PRRC2C: variants seen among roughly 807,000 people sequenced by gnomAD.
PRRC2C encodes protein PRRC2C.
A neutral mutation model predicts 317.2 loss-of-function variants in PRRC2C; 72 were observed. The observed-to-expected ratio is 0.23, with a 90% CI of 0.19 to 0.28. The LOEUF (loss-of-function observed/expected upper bound fraction) is 0.28. Ranked by LOEUF, PRRC2C falls within the 10% of genes least tolerant of loss-of-function variation. The pLI, the probability that PRRC2C is intolerant of heterozygous loss-of-function variation, is 1.00. For missense variants in PRRC2C, 3,074 were observed against 3,459.7 expected (o/e 0.89, Z 2.80); for synonymous variants, 1,296 against 1,205.9 (o/e 1.07, Z -1.55).
At chr1:171,502,019 C>G (rs1482550243) in intron 1 of PRRC2C, among the ~76,000 whole-genome samples, 2 of 152,184 alleles carry the variant, frequency 1.3e-5, no homozygotes, top group Non-Finnish European at 2.9e-5. Context: ...TGGGCTTGGA[C>G]TCAAATAATC....
chr1:171,512,829 A>G (rs1671633674), intron 2 of PRRC2C, 166 bp from the exon 3 acceptor site: 4 of 581,600 alleles, frequency 6.9e-6, no homozygotes, highest in Non-Finnish European at 1.1e-5. Flanking sequence ...TCTACACTGA[A>G]ATGTGTTGCA....
rs1571722579 is a variant in PRRC2C, at chr1:171,517,458, A to G, written c.527-133A>G. On this transcript the variant is annotated intron_variant, in intron 5 of 34. Coordinates refer to ENST00000647382, the MANE Select transcript of PRRC2C (RefSeq NM_001387844.1). ...ACGCAAACAACTTGAAAGCATTAGT[A>G]GGACCTGGATTAGACTTTTCCTGCT... 3.8e-6 allele frequency: 3 copies of G among 792,544 alleles called. No homozygotes were observed. The East Asian group carries it at 8.1e-5, about 21-fold the overall frequency. 49.1% of individuals were successfully genotyped at this position (792,544 alleles called of 1,614,324 possible). A position where few individuals can be genotyped will look rare whatever the true frequency, so the allele number is the denominator to read the frequency against.
At chr1:171,533,609 T>G (rs959124092) in intron 12 of PRRC2C, among the ~76,000 whole-genome samples, 4 of 152,138 alleles carry the variant, frequency 2.6e-5, no homozygotes, top group Non-Finnish European at 5.9e-5. Flanking sequence ...TTTTGTTTGT[T>G]GTTGTTGTGG....
At chr1:171,550,331 G>T in intron 18 of PRRC2C, 91 bp downstream of exon 18, 1 of 1,195,218 alleles carries the variant, frequency 8.4e-7, no homozygotes, top group Non-Finnish European at 1.1e-6. Flanking sequence ...ACTTGTCAAG[G>T]CTGTTTTCAT....
chr1:171,582,715 A>T (rs1197265140), intron 28 of PRRC2C, among the ~76,000 whole-genome samples: 1 of 152,212 alleles, frequency 6.6e-6, no homozygotes, highest in African/African-American at 2.4e-5. Flanking sequence ...TAAAAATGGT[A>T]CGTACCATGT....
intron 3 of PRRC2C, among the ~76,000 whole-genome samples, chr1:171,514,252 G>A (rs1671904616): frequency 7.8e-6 from 1 of 127,508 alleles, no homozygotes; most frequent in Non-Finnish European, 1.6e-5. Flanking sequence ...TTAATTAAAA[G>A]TGTGTGTGTA....
Position 171,540,235 on chromosome 1 carries a change from GA to G in PRRC2C, c.2773del (p.Arg925GlufsTer27), listed in dbSNP as rs1677715672. The G allele has an allele frequency of 6.2e-7, 1 of 1,613,718 alleles. No individual in the cohort carries two copies. Among genetic ancestry groups the G allele is most frequent in the Admixed American group, 1.7e-5 (1 of 59,986 alleles). ...ISAVESQPSR[K>X]RSVSHGSNHT... ...CAGCTGTAGAAAGTCAGCCTTCCCGGAAAAGAAGTGTTTCCCATGGATCTAA... is the reference window on the plus strand; with the variant it reads ...CAGCTGTAGAAAGTCAGCCTTCCCGGAAAGAAGTGTTTCCCATGGATCTAA... On this transcript the variant is annotated frameshift_variant, in exon 16 of 35. Coordinates refer to ENST00000647382, the MANE Select transcript of PRRC2C (RefSeq NM_001387844.1). LOFTEE classifies it high-confidence loss of function.
chr1:171,516,941 A>G (rs1203838983), intron 5 of PRRC2C, among the ~76,000 whole-genome samples: 1 of 152,196 alleles, frequency 6.6e-6, no homozygotes. Flanking sequence ...GGGACATGCT[A>G]TCACTTCTGC....
rs141515795 is a variant in PRRC2C at position 171,529,962 on chromosome 1, C to T, written c.1254+2118C>T. ...CTGTACATATCACAACCATCACCAT[C>T]GTTTCCAGCAATCCCTCTCCTCATA... On this transcript the variant is annotated intron_variant, in intron 11 of 34. Coordinates refer to ENST00000647382, the MANE Select transcript of PRRC2C (RefSeq NM_001387844.1). Among the ~76,000 whole-genome samples the T allele has an allele frequency of 2.2e-3, 338 of 152,278 alleles. 1 individual carries two copies. Among genetic ancestry groups the T allele is most frequent in the African/African-American group, 7.8e-3 (325 of 41,560 alleles).
At chr1:171,511,834 C>T (rs912391185) in intron 1 of PRRC2C, 198 bp from the exon 2 acceptor site, 2 of 283,882 alleles carry the variant, frequency 7.0e-6, no homozygotes, top group Non-Finnish European at 1.4e-5. Context: ...GCAGTTATAA[C>T]CATATATAAC....
At chr1:171,556,137 A>C (rs1288728616) in intron 18 of PRRC2C, among the ~76,000 whole-genome samples, 1 of 152,046 alleles carries the variant, frequency 6.6e-6, no homozygotes, top group East Asian at 1.9e-4. Flanking sequence ...AATGGTGGAC[A>C]CCACTCCCCC....
intron 1 of PRRC2C, among the ~76,000 whole-genome samples, chr1:171,493,305 C>G (rs553288727): frequency 3.7e-4 from 56 of 152,270 alleles, no homozygotes; most frequent in African/African-American, 1.1e-3. Context: ...CTCTTTCACT[C>G]TCATAACATT....
chr1:171,487,255 TGA>T (rs948498890), intron 1 of PRRC2C, among the ~76,000 whole-genome samples: 4 of 152,192 alleles, frequency 2.6e-5, no homozygotes, highest in African/African-American at 4.8e-5. Flanking sequence ...AAATGAAATC[TGA>T]GAGAGTAGTC....
chr1:171,552,224 A>G (rs572969120), intron 18 of PRRC2C, among the ~76,000 whole-genome samples: 153 of 152,252 alleles, frequency 1.0e-3, no homozygotes, highest in African/African-American at 3.2e-3. Context: ...CTTTGAAGCA[A>G]TTGTGAATGG....
chr1:171,531,940 T>A (rs1675965781), intron 11 of PRRC2C, among the ~76,000 whole-genome samples: 1 of 152,242 alleles, frequency 6.6e-6, no homozygotes, highest in South Asian at 2.1e-4. Flanking sequence ...ATGCCATCAT[T>A]TTGGATATTT....
rs746214767 is a variant in PRRC2C, at chr1:171,571,341, C to G, written c.6673C>G (p.Pro2225Ala). ...VNNVPLPNTL[P>A]LPKRETIQQS... is the part of the protein sequence containing the mutation. ...TCAGGTGCCCCTGCCCAACACCCTT[C>G]CCCTCCCTAAGAGGGAGACTATACA... Residue 2225 changes from proline to alanine, a missense_variant, in exon 24 of 35, where the codon CCC (proline) becomes GCC (alanine). This residue lies in a region of PRRC2C where 640 missense variants were observed against 676.1 expected (regional missense o/e 0.95). Transcript: ENST00000647382. The G allele has an allele frequency of 6.2e-7, 1 of 1,610,342 alleles. No individual in the cohort carries two copies. Among genetic ancestry groups the G allele is most frequent in the Non-Finnish European group, 8.5e-7 (1 of 1,176,664 alleles).
At chr1:171,537,514 T>C in intron 15 of PRRC2C, 41 bp downstream of exon 15, 1 of 1,506,520 alleles carries the variant, frequency 6.6e-7, no homozygotes, top group Non-Finnish European at 9.0e-7. Flanking sequence ...ACAGAATATT[T>C]TGGTAAAAGG....
intron 33 of PRRC2C, 80 bp from the exon 34 acceptor site, chr1:171,589,289 C>T: frequency 1.2e-6 from 1 of 802,418 alleles, no homozygotes; most frequent in Non-Finnish European, 1.7e-6. Context: ...TGGGATGAGC[C>T]AACCTGGTCT....
rs780692092 is a variant in PRRC2C, at chr1:171,550,268, A to G, written c.5127+28A>G. On this transcript the variant is annotated intron_variant, in intron 18 of 34. Coordinates refer to ENST00000647382, the MANE Select transcript of PRRC2C (RefSeq NM_001387844.1). The stretch of plus-strand genomic sequence containing the variant: ...TTAAATCTTGTTTCAACTTGTTGCT[A>G]GTTATCTAGATTTGTTGCCCAAAGT... 2.2e-5 allele frequency: 33 copies of G among 1,525,330 alleles called. No individual in the cohort carries two copies. In the East Asian group the frequency reaches 5.6e-4, roughly 26 times the overall value. The allele number at this position is 1,525,330 out of a possible 1,614,324, so 94.5% of individuals were successfully genotyped here.
Sources: allele counts gnomAD v4.1 joint callset (sites outside exome capture counted in the v4.1 genomes callset), GRCh38; gene constraint gnomAD v4.1.1; regional missense constraint gnomAD v4.1.1; transcripts MANE v1.5; gene names NCBI Gene and HGNC (gene_info 2026-07-23, HGNC 2026-07-21).